RGS12: variants seen among roughly 807,000 people sequenced by gnomAD.
RGS12 encodes the protein regulator of G protein signaling 12.
In RGS12, 66 loss-of-function variants were observed where a neutral mutation model predicts 120.1. The observed-to-expected ratio is 0.55, with a 90% confidence interval of 0.45 to 0.67. The LOEUF is 0.67. Ranked by LOEUF, RGS12 falls within the 30% of genes least tolerant of loss-of-function variation. The pLI is 0.00. For synonymous variants in RGS12, 827 were observed against 804.7 expected, an observed-to-expected ratio of 1.03 and a Z score of -0.47; for missense variants, 1,859 against 1,957.7, an observed-to-expected ratio of 0.95 and a Z score of 0.95.
At chr4:3,401,539 A>AG (rs1264724649) in intron 4 of RGS12, among the ~76,000 whole-genome samples, 3 of 152,212 alleles carry the variant, frequency 2.0e-5, no homozygotes. Flanking sequence ...CTTGGTGAGG[A>AG]GGGGAGTTCT....
chr4:3,370,300 C>T (rs1716834777), intron 3 of RGS12: 2 of 1,614,068 alleles, frequency 1.2e-6, no homozygotes, highest in Non-Finnish European at 1.7e-6. Flanking sequence ...CAAACGAAAC[C>T]CATGTTTCTA....
At chr4:3,379,890 C>T (rs1324898486) in intron 3 of RGS12, among the ~76,000 whole-genome samples, 6 of 152,186 alleles carry the variant, frequency 3.9e-5, no homozygotes, top group Admixed American at 3.9e-4. Context: ...CGTTCCACCC[C>T]TGACCCCTCC....
At chr4:3,298,761 A>G (rs553674234) in intron 1 of RGS12, among the ~76,000 whole-genome samples, 1 of 152,274 alleles carries the variant, frequency 6.6e-6, no homozygotes, top group Admixed American at 6.5e-5. Flanking sequence ...CCATCTTCAA[A>G]CTGCTATTAA....
chr4:3,422,607 C>T, intron 11 of RGS12, 37 bp downstream of exon 11: 3 of 1,583,620 alleles, frequency 1.9e-6, no homozygotes, highest in Non-Finnish European at 2.6e-6. Flanking sequence ...TGCCCTCAGG[C>T]CATGACCTCC....
chr4:3,382,138 C>T (rs1432497179), intron 3 of RGS12, among the ~76,000 whole-genome samples: 1 of 152,176 alleles, frequency 6.6e-6, no homozygotes, highest in Admixed American at 6.5e-5. Context: ...AGTGTATTTT[C>T]ACAGATCTTA....
intron 2 of RGS12, among the ~76,000 whole-genome samples, chr4:3,334,931 G>A (rs1474847782): frequency 6.6e-6 from 1 of 151,954 alleles, no homozygotes; most frequent in Non-Finnish European, 1.5e-5. Flanking sequence ...CTTTTTCTAG[G>A]TTCTCCCTCC....
intron 1 of RGS12, among the ~76,000 whole-genome samples, chr4:3,303,681 ATG>A (rs536062910): frequency 5.0e-4 from 76 of 152,190 alleles, no homozygotes; most frequent in Admixed American, 2.4e-3. Context: ...CCTGCCCCTG[ATG>A]TGTTCTCTAG....
chr4:3,340,165 A>T (rs1203573615), intron 2 of RGS12, among the ~76,000 whole-genome samples: 1 of 152,174 alleles, frequency 6.6e-6, no homozygotes, highest in Non-Finnish European at 1.5e-5. Flanking sequence ...CGTGTGTCTC[A>T]TGAGCACTGC....
Position 3,309,426 on chromosome 4 carries a change from C to T in RGS12, c.-101-6644C>T, listed in dbSNP as rs577909524. 5.1e-4 allele frequency among the ~76,000 whole-genome samples: 64 copies of T among 125,554 alleles called. 1 individual carries two copies. In the East Asian group the frequency reaches 0.013, roughly 25 times the overall value. 82.4% of individuals were successfully genotyped at this position (125,554 alleles called of 152,430 possible). On this transcript the variant is annotated intron_variant, in intron 1 of 17. Coordinates refer to ENST00000336727, the MANE Select transcript of RGS12 (RefSeq NM_001394154.1). Reference sequence around the variant, plus strand: ...ATGGCAGGTGTCCGCTGAGGGGAACCGTGCAGGGGAGGAGCTGGGACCCAG... The same window carrying T: ...ATGGCAGGTGTCCGCTGAGGGGAACTGTGCAGGGGAGGAGCTGGGACCCAG...
At chr4:3,432,101 T>C in intron 17 of RGS12, 2 of 985,502 alleles carry the variant, frequency 2.0e-6, no homozygotes, top group Non-Finnish European at 2.4e-6. Context: ...TCCGTCTTGG[T>C]GGACACCTGT....
Position 3,374,469 on chromosome 4 carries a change from C to T in RGS12, c.1999-11947C>T, listed in dbSNP as rs1171445850. 3.3e-5 allele frequency among the ~76,000 whole-genome samples: 5 copies of T among 152,118 alleles called. No homozygotes were observed. The highest frequency in any genetic ancestry group is 1.5e-5 in the Non-Finnish European group (1 of 68,022). On this transcript the variant is annotated intron_variant, in intron 3 of 17. Coordinates refer to ENST00000336727, the MANE Select transcript of RGS12 (RefSeq NM_001394154.1). The surrounding 1 kb of genome is among the most constrained non-coding windows in gnomAD (Gnocchi z 6.3). ...GCAGCAGACACTTCTGCCCTGGGCC[C>T]CGGTCTCAGTGACAGGTCCACATCT... is the stretch of plus-strand genomic sequence containing the variant.
chr4:3,318,290 CCTGGGCAGGACAT>C (rs1188592978), intron 2 of RGS12, among the ~76,000 whole-genome samples: 1 of 152,180 alleles, frequency 6.6e-6, no homozygotes, highest in Admixed American at 6.5e-5. Flanking sequence ...GATGGCTGGT[CCTGGGCAGGACAT>C]CTGGGCAGGA....
intron 1 of RGS12, among the ~76,000 whole-genome samples, chr4:3,304,780 C>T (rs1412657688): frequency 1.3e-5 from 2 of 152,178 alleles, no homozygotes; most frequent in Non-Finnish European, 2.9e-5. Context: ...AGTACAGCAC[C>T]ATTTTGTGCT....
At chr4:3,292,219 G>T (rs1723060514), upstream of RGS12, among the ~76,000 whole-genome samples, 1 of 152,234 alleles carries the variant, frequency 6.6e-6, no homozygotes, top group Non-Finnish European at 1.5e-5. Flanking sequence ...GGCGAGGAAG[G>T]AACTCCGGCC....
intron 5 of RGS12, 103 bp from the exon 6 acceptor site, chr4:3,414,649 G>C: frequency 1.2e-6 from 1 of 827,322 alleles, no homozygotes; most frequent in Non-Finnish European, 2.1e-6. Context: ...CCCTCGGGCA[G>C]CTCACTGAGC....
chr4:3,358,524 TG>T (rs1715111247), intron 3 of RGS12, among the ~76,000 whole-genome samples: 1 of 152,124 alleles, frequency 6.6e-6, no homozygotes, highest in African/African-American at 2.4e-5. Flanking sequence ...GTTTACTGAG[TG>T]TTTTTTTTTA....
chr4:3,370,315 C>A, intron 3 of RGS12: 1 of 1,613,984 alleles, frequency 6.2e-7, no homozygotes, highest in Non-Finnish European at 8.5e-7. Flanking sequence ...TTTCTAATGA[C>A]CAGCAGGTAA....
chr4:3,397,027 G>T (rs1363538350), intron 4 of RGS12, among the ~76,000 whole-genome samples: 1 of 151,992 alleles, frequency 6.6e-6, no homozygotes, highest in Non-Finnish European at 1.5e-5. Context: ...ACTAAATCTG[G>T]CTTGGTTTGC....
chr4:3,439,618 C>T lies in RGS12; in HGVS notation c.4278C>T (p.Gly1426=), dbSNP rs762403521. The change falls in exon 18 of 18, where the codon GGC becomes GGT. Residue 1426 remains glycine (G), a synonymous_variant. Transcript: ENST00000336727. The part of the protein sequence containing the change: ...SGGPPTSDLP[G]LGPVPGEPAK... Reference sequence around the variant, plus strand: ...GGCCTCCTACATCAGACCTCCCTGGCTTGGGCCCCGTCCCGGGTGAGCCTG... The same window carrying T: ...GGCCTCCTACATCAGACCTCCCTGGTTTGGGCCCCGTCCCGGGTGAGCCTG... The T allele has an allele frequency of 3.1e-6, 5 of 1,603,442 alleles. No homozygotes were observed. Among genetic ancestry groups the T allele is most frequent in the Middle Eastern group, 1.7e-4 (1 of 6,010 alleles).
Sources: allele counts gnomAD v4.1 joint callset (sites outside exome capture counted in the v4.1 genomes callset), GRCh38; gene constraint gnomAD v4.1.1; non-coding constraint Gnocchi (gnomAD v3.1); transcripts MANE v1.5; gene names NCBI Gene and HGNC (gene_info 2026-07-23, HGNC 2026-07-21).